CSTPP1: variants seen among roughly 807,000 people sequenced by gnomAD.
CSTPP1 encodes the protein UPF0705 protein C11orf49.
chr11:46,966,996 T>G, the CSTPP1 span, among the ~76,000 whole-genome samples: 4 of 152,146 alleles, frequency 2.6e-5, no homozygotes, highest in Non-Finnish European at 5.9e-5. Flanking sequence ...CGGGGTGACC[T>G]TATATGGCTG....
chr11:47,039,905 C>G, the CSTPP1 span, among the ~76,000 whole-genome samples: 7 of 128,418 alleles, frequency 5.5e-5, no homozygotes, highest in African/African-American at 1.5e-4. Flanking sequence ...GCTCAGGGAC[C>G]CTGGAGGCAG....
the CSTPP1 span, among the ~76,000 whole-genome samples, chr11:46,937,328 CTG>C: frequency 9.1e-6 from 1 of 109,304 alleles, no homozygotes; most frequent in Non-Finnish European, 1.8e-5. Context: ...GGTGGAGAAA[CTG>C]GGGCTGAAGA....
At chr11:46,977,733 C>A in the CSTPP1 span, among the ~76,000 whole-genome samples, 2 of 152,178 alleles carry the variant, frequency 1.3e-5, no homozygotes, top group Non-Finnish European at 2.9e-5. Flanking sequence ...TTTGGACTTT[C>A]TTTTATTCAA....
At chr11:47,016,839 C>CTTTTTTTTTT in the CSTPP1 span, among the ~76,000 whole-genome samples, 2 of 99,824 alleles carry the variant, frequency 2.0e-5, no homozygotes, top group Non-Finnish European at 1.9e-5. Context: ...TCATTTAGTA[C>CTTTTTTTTTT]TTTTTTTTTT....
At chr11:47,121,446 T>G in the CSTPP1 span, among the ~76,000 whole-genome samples, 1 of 152,214 alleles carries the variant, frequency 6.6e-6, no homozygotes, top group African/African-American at 2.4e-5. Flanking sequence ...GACTAGATAT[T>G]ACTGTGTAAG....
the CSTPP1 span, among the ~76,000 whole-genome samples, chr11:47,068,188 TTA>T: frequency 6.6e-6 from 1 of 152,184 alleles, no homozygotes; most frequent in African/African-American, 2.4e-5. Flanking sequence ...AATCTGTATG[TTA>T]TCCAATGTAA....
the CSTPP1 span, among the ~76,000 whole-genome samples, chr11:46,958,782 G>A: frequency 2.0e-5 from 3 of 152,172 alleles, no homozygotes; most frequent in African/African-American, 4.8e-5. Context: ...GAGGAGCAGT[G>A]TGCTGGTATA....
chr11:46,997,815 T>C, the CSTPP1 span, among the ~76,000 whole-genome samples: 2 of 152,176 alleles, frequency 1.3e-5, no homozygotes, highest in East Asian at 3.8e-4. Flanking sequence ...TTGGAGTTTG[T>C]TGGAGGTCCA....
the CSTPP1 span, among the ~76,000 whole-genome samples, chr11:47,090,562 C>T: frequency 3.8e-4 from 58 of 152,156 alleles, no homozygotes; most frequent in Admixed American, 1.9e-3. Context: ...CTGGAAATGC[C>T]GTGTACTGAT....
chr11:46,978,124 A>C, the CSTPP1 span, among the ~76,000 whole-genome samples: 1 of 152,248 alleles, frequency 6.6e-6, no homozygotes, highest in African/African-American at 2.4e-5. Flanking sequence ...TGTGAAAGAC[A>C]CTGAATGGTC....
At chr11:47,041,455 G>C in the CSTPP1 span, 1 of 294,614 alleles carries the variant, frequency 3.4e-6, no homozygotes, top group African/African-American at 2.1e-5. Flanking sequence ...CTAGAACGTT[G>C]CATGTCTGTA....
chr11:46,936,730 A>G, the CSTPP1 span: 1 of 1,587,828 alleles, frequency 6.3e-7, no homozygotes, highest in South Asian at 1.1e-5. Context: ...CGTGGGTGCC[A>G]TGGCAACGGA....
chr11:47,139,648 G>T, the CSTPP1 span, among the ~76,000 whole-genome samples: 1 of 151,578 alleles, frequency 6.6e-6, no homozygotes, highest in African/African-American at 2.4e-5. Context: ...CTCCAGCATG[G>T]GGGACAGAGT....
the CSTPP1 span, among the ~76,000 whole-genome samples, chr11:46,981,759 A>T: frequency 0.015 from 2,315 of 151,788 alleles, 26 homozygotes; most frequent in African/African-American, 0.03. Context: ...TCTAGTTTTT[A>T]AAAAAATTGC....
the CSTPP1 span, among the ~76,000 whole-genome samples, chr11:47,105,929 G>C: frequency 6.6e-6 from 1 of 152,188 alleles, no homozygotes; most frequent in East Asian, 1.9e-4. Flanking sequence ...AAGTCAAAGT[G>C]CCTCTTTGAA....
the CSTPP1 span, among the ~76,000 whole-genome samples, chr11:47,002,925 T>A: frequency 6.6e-6 from 1 of 152,188 alleles, no homozygotes; most frequent in Non-Finnish European, 1.5e-5. Flanking sequence ...CTCTGATAAT[T>A]CCCTGAATAC....
chr11:46,947,965 C>T, the CSTPP1 span: 1 of 441,542 alleles, frequency 2.3e-6, no homozygotes, highest in East Asian at 7.1e-5. Context: ...TGGCAGAACT[C>T]CTCCTGTGGC....
At chr11:47,079,226 G>C in the CSTPP1 span, among the ~76,000 whole-genome samples, 1 of 152,194 alleles carries the variant, frequency 6.6e-6, no homozygotes, top group Non-Finnish European at 1.5e-5. Flanking sequence ...AAAAAGATCT[G>C]TAGCTGCATG....
At chr11:47,065,331 A>T in the CSTPP1 span, among the ~76,000 whole-genome samples, 4 of 151,938 alleles carry the variant, frequency 2.6e-5, no homozygotes, top group Non-Finnish European at 5.9e-5. Flanking sequence ...TTTTTAAGAG[A>T]AAGTGTCTTG....
Sources: gnomAD v4.1 joint callset for allele counts (sites outside exome capture counted in the v4.1 genomes callset) on GRCh38, gnomAD v4.1.1 for gene constraint, MANE v1.5 for transcripts, NCBI Gene and HGNC (gene_info 2026-07-23, HGNC 2026-07-21) for gene names.